Variants in COL3A1 observed in about 807,000 individuals in gnomAD.
COL3A1 encodes collagen type III alpha 1 chain.
In COL3A1, 46 loss-of-function variants were observed where a neutral mutation model predicts 200.9. The observed-to-expected ratio is 0.23, with a 90% CI of 0.18 to 0.29. The LOEUF is 0.29. Ranked by LOEUF, COL3A1 falls within the 10% of genes least tolerant of loss-of-function variation. The probability of loss-of-function intolerance (pLI) is 1.00; values close to 1 mark genes in which losing one functional copy is unlikely to be tolerated. For missense variants in COL3A1, 1,367 were observed against 1,917.6 expected, an observed-to-expected ratio of 0.71 and a Z score of 5.36; for synonymous variants, 650 against 628.0, an observed-to-expected ratio of 1.03 and a Z score of -0.52.
rs528758308 is a variant in COL3A1, at chr2:188,987,143, C to T, written c.528+4C>T. 3.4e-5 allele frequency: 54 copies of T among 1,608,596 alleles called. No individual in the cohort carries two copies. The highest frequency in any genetic ancestry group is 2.8e-4 in the Admixed American group (17 of 59,834). ...CGCAGGCTATCCTGGACCAGCTGTACGTACAAATGTTTCTCAGCATTTTGG... is the reference window on the plus strand; with the variant it reads ...CGCAGGCTATCCTGGACCAGCTGTATGTACAAATGTTTCTCAGCATTTTGG... On this transcript the variant is annotated splice_donor_region_variant and intron_variant, in intron 5 of 50. Transcript: ENST00000304636.
In COL3A1 at chr2:188,999,482, C is replaced by T. The variant is rs1576468303; in HGVS notation, c.2134C>T (p.Pro712Ser). ...CACTTATTTTCAGGGTGCTGCTGGT[C>T]CTCCTGGGCCACCTGGTGCTGCTGG... is the stretch of plus-strand genomic sequence containing the variant. ...GPEGGKGAAG[P>S]PGPPGAAGTP... is the part of the protein sequence containing the mutation. Residue 712 changes from proline to serine, a missense_variant, in exon 31 of 51, where the codon CCT (proline) becomes TCT (serine). Transcript: ENST00000304636. 2.5e-6 allele frequency: 4 copies of T among 1,614,046 alleles called. No homozygotes were observed. The highest frequency in any genetic ancestry group is 3.4e-6 in the Non-Finnish European group (4 of 1,180,024).
At chr2:189,001,114 A>G (rs1019614833) in intron 32 of COL3A1, among the ~76,000 whole-genome samples, 5 of 152,240 alleles carry the variant, frequency 3.3e-5, no homozygotes, top group Non-Finnish European at 5.9e-5. Flanking sequence ...AAGATCTTAC[A>G]TGACATCCTA....
intron 3 of COL3A1, among the ~76,000 whole-genome samples, 156 bp downstream of exon 3, chr2:188,985,403 C>T (rs929066202): frequency 1.3e-5 from 2 of 151,844 alleles, no homozygotes; most frequent in Non-Finnish European, 2.9e-5. Context: ...CATAATTGTA[C>T]GTGTAAAGAT....
chr2:189,010,135 T>C, intron 48 of COL3A1, 43 bp from the exon 49 acceptor site: 2 of 1,592,464 alleles, frequency 1.3e-6, no homozygotes, highest in Non-Finnish European at 1.7e-6. Flanking sequence ...ACTTTATTAC[T>C]GGATTTTATA....
chr2:188,980,193 C>A (rs923668438), intron 1 of COL3A1, among the ~76,000 whole-genome samples: 3 of 151,554 alleles, frequency 2.0e-5, no homozygotes, highest in Admixed American at 6.6e-5. Context: ...AGAATATATT[C>A]TCTTCAATGT....
chr2:188,995,891 T>C, intron 22 of COL3A1, 101 bp downstream of exon 22: 1 of 1,134,326 alleles, frequency 8.8e-7, no homozygotes, highest in East Asian at 2.6e-5. Context: ...TCAGATTACA[T>C]ATTTTGTAAG....
chr2:189,001,357 T>A, intron 32 of COL3A1, 40 bp from the exon 33 acceptor site: 1 of 1,580,714 alleles, frequency 6.3e-7, no homozygotes, highest in Non-Finnish European at 8.7e-7. Context: ...AAAACGATAT[T>A]TGTATCTTCA....
chr2:188,992,395 G>T (rs1487337633), intron 14 of COL3A1, among the ~76,000 whole-genome samples, 167 bp downstream of exon 14: 1 of 151,908 alleles, frequency 6.6e-6, no homozygotes, highest in Non-Finnish European at 1.5e-5. Context: ...AATTTAAAAA[G>T]TGAAAAAATA....
chr2:188,995,533 T>A lies in COL3A1; in HGVS notation c.1510-159T>A, dbSNP rs1201839525. The A allele has an allele frequency of 4.9e-6, 3 of 607,758 alleles. No individual in the cohort carries two copies. The East Asian group carries it at 8.5e-5, about 17-fold the overall frequency. 37.6% of individuals were successfully genotyped at this position (607,758 alleles called of 1,614,324 possible). A position where few individuals can be genotyped will look rare whatever the true frequency, so the allele number is the denominator to read the frequency against. Reference sequence around the variant, plus strand: ...CTTTAAAATTTTTTCAATATGGCAATCCAAGCTAAGATAACTGATTTTATG... The same window carrying A: ...CTTTAAAATTTTTTCAATATGGCAAACCAAGCTAAGATAACTGATTTTATG... On this transcript the variant is annotated intron_variant, in intron 21 of 50. Coordinates refer to ENST00000304636, the MANE Select transcript of COL3A1 (RefSeq NM_000090.4).
At chr2:188,999,219 A>C (rs1439887069) in intron 29 of COL3A1, 66 bp from the exon 30 acceptor site, 1 of 1,410,356 alleles carries the variant, frequency 7.1e-7, no homozygotes, top group Non-Finnish European at 9.8e-7. Context: ...AAAATGATGC[A>C]AGTTAAGGTG....
chr2:188,998,849 A>G, intron 29 of COL3A1, 131 bp downstream of exon 29: 1 of 853,052 alleles, frequency 1.2e-6, no homozygotes, highest in Non-Finnish European at 1.9e-6. Context: ...TGGTAAGTAC[A>G]CTTAGAGAAA....
Position 189,006,824 on chromosome 2 carries a change from C to T in COL3A1, c.3202-113C>T, listed in dbSNP as rs1475935933. ...AAACAATATTAACTTCCAATAATTGCATGCATACTATAATTCTATTATAAT... is the reference window on the plus strand; with the variant it reads ...AAACAATATTAACTTCCAATAATTGTATGCATACTATAATTCTATTATAAT... On this transcript the variant is annotated intron_variant, in intron 43 of 50. Coordinates refer to ENST00000304636, the MANE Select transcript of COL3A1 (RefSeq NM_000090.4). 5 of 1,066,590 alleles carry T rather than the reference C, an allele frequency of 4.7e-6. No homozygotes were observed. The Admixed American group carries it at 7.4e-5, about 16-fold the overall frequency. 66.1% of individuals were successfully genotyped at this position (1,066,590 alleles called of 1,614,324 possible). A position where few individuals can be genotyped will look rare whatever the true frequency, so the allele number is the denominator to read the frequency against.
In COL3A1 at chr2:188,994,214, T is replaced by G. The variant is rs1279247580; in HGVS notation, c.1195-20T>G. 2.5e-6 allele frequency: 4 copies of G among 1,613,404 alleles called. No individual in the cohort carries two copies. Among genetic ancestry groups the G allele is most frequent in the Middle Eastern group, 1.7e-4 (1 of 6,054 alleles). On this transcript the variant is annotated intron_variant, in intron 17 of 50. Transcript: ENST00000304636. This position sits in a 1 kb window ranked among gnomAD's most constrained non-coding sequence, Gnocchi z 4.5. ...GAACATTCAAGTTCGGCTAATATAGTGTCTTTGGTTTGTTCTTAGGGTCCC... is the reference window on the plus strand; with the variant it reads ...GAACATTCAAGTTCGGCTAATATAGGGTCTTTGGTTTGTTCTTAGGGTCCC...
At position 188,997,059 on chromosome 2, in the gene COL3A1, CAT is replaced by C. The variant is rs1050096418; in HGVS notation, c.1762-97_1762-96del. 3 of 737,640 alleles carry C rather than the reference CAT, an allele frequency of 4.1e-6. No homozygotes were observed. In the African/African-American group the frequency reaches 5.6e-5, roughly 14 times the overall value. The allele number at this position is 737,640 out of a possible 1,614,324, so 45.7% of individuals were successfully genotyped here. A position where few individuals can be genotyped will look rare whatever the true frequency, so the allele number is the denominator to read the frequency against. ...ATATATGAGACATATATATATGAGA[CAT>C]ATATATATGAGACATATATATATGA... is the stretch of plus-strand genomic sequence containing the variant. On this transcript the variant is annotated intron_variant, in intron 24 of 50. Transcript: ENST00000304636.
At chr2:188,998,600 T>C in intron 28 of COL3A1, 74 bp from the exon 29 acceptor site, 1 of 1,419,746 alleles carries the variant, frequency 7.0e-7, no homozygotes. Context: ...TATTTGCTTA[T>C]ATTTACATAT....
In COL3A1 at chr2:189,012,683, G is replaced by A. The variant is rs924052565; in HGVS notation, c.*909G>A. On this transcript the variant is annotated 3_prime_UTR_variant, in exon 51 of 51. Transcript: ENST00000304636. ...TGTTGAAATTTAACTTTGTAAGCTT[G>A]TATGTGGTTGTTGATCTTTTTTTTC... is the stretch of plus-strand genomic sequence containing the variant. 2.6e-5 allele frequency: 4 copies of A among 152,482 alleles called. No homozygotes were observed. The highest frequency in any genetic ancestry group is 5.9e-5 in the Non-Finnish European group (4 of 67,984). 9.4% of individuals were successfully genotyped at this position (152,482 alleles called of 1,614,324 possible). A position where few individuals can be genotyped will look rare whatever the true frequency, so the allele number is the denominator to read the frequency against.
intron 26 of COL3A1, 36 bp from the exon 27 acceptor site, chr2:188,997,664 A>T: frequency 1.9e-6 from 3 of 1,589,964 alleles, no homozygotes; most frequent in African/African-American, 1.3e-5. Flanking sequence ...ATATAAAAGG[A>T]TGTTTACAAC....
chr2:188,991,787 A>G (rs1688196508), intron 13 of COL3A1, 65 bp downstream of exon 13: 1 of 1,524,984 alleles, frequency 6.6e-7, no homozygotes, highest in Non-Finnish European at 9.1e-7. Context: ...AGCCTCAGTA[A>G]AGTTTCAGGC....
intron 1 of COL3A1, among the ~76,000 whole-genome samples, chr2:188,976,157 A>G (rs1008472548): frequency 3.9e-5 from 6 of 151,944 alleles, no homozygotes; most frequent in Admixed American, 6.6e-5. Flanking sequence ...ATCCCCCACC[A>G]ACCATTTATT....
Sources: allele counts gnomAD v4.1 joint callset (sites outside exome capture counted in the v4.1 genomes callset), GRCh38; gene constraint gnomAD v4.1.1; non-coding constraint Gnocchi (gnomAD v3.1); transcripts MANE v1.5; gene names NCBI Gene and HGNC (gene_info 2026-07-23, HGNC 2026-07-21).